The following EFNA5 variants were observed in gnomAD, a reference collection of about 807,000 sequenced individuals.
EFNA5 encodes the protein ephrin-A5.
Under a neutral mutation model 22.9 loss-of-function variants are expected in EFNA5, and 5 were observed. The observed-to-expected ratio is 0.22, with a 90% CI of 0.11 to 0.46. The LOEUF is 0.46. Ranked by LOEUF, EFNA5 falls within the 20% of genes least tolerant of loss-of-function variation. The pLI is 0.99. For missense variants in EFNA5, 237 were observed against 293.3 expected (o/e 0.81, Z 1.40); for synonymous variants, 113 against 112.2 (o/e 1.01, Z -0.04).
chr5:107,429,006 C>G (rs557099638), intron 1 of EFNA5, among the ~76,000 whole-genome samples: 1 of 152,314 alleles, frequency 6.6e-6, no homozygotes, highest in Admixed American at 6.5e-5. Context: ...TAGTATAGTT[C>G]CCAGGCTCCT....
At chr5:107,384,768 ATTTTTTTTTT>A (rs61305329) in intron 4 of EFNA5, among the ~76,000 whole-genome samples, 2 of 92,812 alleles carry the variant, frequency 2.2e-5, no homozygotes, top group African/African-American at 7.7e-5. Flanking sequence ...CACACACCAC[ATTTTTTTTTT>A]TTTTTTTTTT....
chr5:107,494,951 G>C (rs31721), intron 1 of EFNA5, among the ~76,000 whole-genome samples: 40,915 of 151,732 alleles, frequency 0.27, 5,866 homozygotes, highest in South Asian at 0.41. Context: ...TAGCTAATCT[G>C]GTGGGGACAT....
At chr5:107,629,720 CT>C (rs1381186310) in intron 1 of EFNA5, among the ~76,000 whole-genome samples, 1 of 152,198 alleles carries the variant, frequency 6.6e-6, no homozygotes, top group Non-Finnish European at 1.5e-5. Flanking sequence ...CCCAGGATGG[CT>C]TTGAATACAG....
intron 2 of EFNA5, among the ~76,000 whole-genome samples, chr5:107,411,200 TTC>T (rs1240326522): frequency 6.6e-6 from 1 of 152,190 alleles, no homozygotes; most frequent in African/African-American, 2.4e-5. Context: ...TGCATAAATC[TTC>T]TCTTTGTTTT....
chr5:107,383,146 T>G (rs1197727053), intron 4 of EFNA5, among the ~76,000 whole-genome samples: 3 of 152,004 alleles, frequency 2.0e-5, no homozygotes, highest in Non-Finnish European at 4.4e-5. Context: ...TGACCTGGAG[T>G]GCTCTTACCA....
chr5:107,570,839 C>T lies in EFNA5; in HGVS notation c.125+99650G>A, dbSNP rs189269289. Among the ~76,000 whole-genome samples the T allele has an allele frequency of 1.4e-3, 220 of 152,260 alleles. 3 individuals are homozygous for T. Among genetic ancestry groups the T allele is most frequent in the Admixed American group, 0.01 (158 of 15,294 alleles). On this transcript the variant is annotated intron_variant, in intron 1 of 4. Coordinates refer to ENST00000333274, the MANE Select transcript of EFNA5 (RefSeq NM_001962.3). Reference sequence around the variant, plus strand: ...AGTTTGGATTCTATATCCGTATATACCTGAAATACCACCAAGTTACTTCCA... The same window carrying T: ...AGTTTGGATTCTATATCCGTATATATCTGAAATACCACCAAGTTACTTCCA...
chr5:107,475,323 C>CT (rs1294150342), intron 1 of EFNA5, among the ~76,000 whole-genome samples: 9 of 152,202 alleles, frequency 5.9e-5, no homozygotes, highest in Admixed American at 6.5e-5. Flanking sequence ...TCACACTTAC[C>CT]CAGCTATCAG....
chr5:107,483,543 T>C (rs1284810595), intron 1 of EFNA5, among the ~76,000 whole-genome samples: 1 of 152,186 alleles, frequency 6.6e-6, no homozygotes, highest in Non-Finnish European at 1.5e-5. Flanking sequence ...TTTTATAGCC[T>C]ACTAAAAGAA....
rs1454967869 is a variant in EFNA5, at chr5:107,476,056, A to ATATATATATATATATATATATT, written c.126-48548_126-48547insAATATATATATATATATATATA. Among the ~76,000 whole-genome samples the ATATATATATATATATATATATT allele has an allele frequency of 3.4e-4, 39 of 115,406 alleles. 2 individuals carry two copies. The highest frequency in any genetic ancestry group is 1.3e-3 in the African/African-American group (38 of 28,618). 75.7% of individuals were successfully genotyped at this position (115,406 alleles called of 152,430 possible). ...TTGAGAGTTTTTAAACTATATATAT[A>ATATATATATATATATATATATT]TTTTTTTTTTTTGAGACAGAGTCTT... On this transcript the variant is annotated intron_variant, in intron 1 of 4. Coordinates refer to ENST00000333274, the MANE Select transcript of EFNA5 (RefSeq NM_001962.3).
At chr5:107,591,801 G>A (rs1402996819) in intron 1 of EFNA5, among the ~76,000 whole-genome samples, 2 of 124,068 alleles carry the variant, frequency 1.6e-5, no homozygotes, top group Non-Finnish European at 1.6e-5. Context: ...AGCCTGGGTG[G>A]CAAAGGGAGA....
intron 1 of EFNA5, among the ~76,000 whole-genome samples, chr5:107,547,211 T>C (rs1429988040): frequency 6.6e-6 from 1 of 152,192 alleles, no homozygotes; most frequent in African/African-American, 2.4e-5. Context: ...GCAGTAGAAA[T>C]AGCAGAAAAG....
intron 3 of EFNA5, 111 bp from the exon 4 acceptor site, chr5:107,387,426 T>A: frequency 1.4e-6 from 1 of 698,388 alleles, no homozygotes; most frequent in Non-Finnish European, 2.4e-6. Flanking sequence ...GTAGATTGTC[T>A]TACAATCAAT....
intron 2 of EFNA5, among the ~76,000 whole-genome samples, chr5:107,395,031 G>GTTTTTTTTTTTTT (rs1257797158): frequency 2.5e-3 from 72 of 28,654 alleles, no homozygotes; most frequent in African/African-American, 3.3e-3. Context: ...AGGATTTCTA[G>GTTTTTTTTTTTTT]TTCTTTTTTT....
At chr5:107,485,783 A>G (rs938391102) in intron 1 of EFNA5, among the ~76,000 whole-genome samples, 2 of 152,324 alleles carry the variant, frequency 1.3e-5, no homozygotes, top group South Asian at 2.1e-4. Flanking sequence ...GTAAACAAAC[A>G]CTGTCTCAGA....
intron 1 of EFNA5, among the ~76,000 whole-genome samples, chr5:107,648,312 T>G (rs1033946446): frequency 7.2e-5 from 11 of 152,166 alleles, no homozygotes. Context: ...AATAAAAGGG[T>G]GTGACAATGG....
At chr5:107,509,482 CT>C (rs2112432590) in intron 1 of EFNA5, among the ~76,000 whole-genome samples, 1 of 135,238 alleles carries the variant, frequency 7.4e-6, no homozygotes, top group South Asian at 2.7e-4. Context: ...CCATGCTTGG[CT>C]AATTTTTTTT....
At chr5:107,537,214 C>G (rs190085874) in intron 1 of EFNA5, among the ~76,000 whole-genome samples, 2 of 152,156 alleles carry the variant, frequency 1.3e-5, no homozygotes. Flanking sequence ...TTTGTCTAGA[C>G]TGGGTGTGGT....
At chr5:107,508,482 G>A (rs895956522) in intron 1 of EFNA5, among the ~76,000 whole-genome samples, 13 of 152,138 alleles carry the variant, frequency 8.5e-5, no homozygotes, top group Admixed American at 2.6e-4. Context: ...TCCTGTATAT[G>A]TCTTTTAAAT....
chr5:107,396,072 C>T (rs149662105), intron 2 of EFNA5, among the ~76,000 whole-genome samples: 2 of 152,294 alleles, frequency 1.3e-5, no homozygotes, highest in African/African-American at 4.8e-5. Context: ...ACTAATGTAG[C>T]ATGACAGTAA....
Sources: allele counts gnomAD v4.1 joint callset (sites outside exome capture counted in the v4.1 genomes callset), GRCh38; gene constraint gnomAD v4.1.1; transcripts MANE v1.5; gene names NCBI Gene and HGNC (gene_info 2026-07-23, HGNC 2026-07-21).